ACAD11: variants seen among roughly 807,000 people sequenced by gnomAD.
The protein encoded by ACAD11 is acyl-Coenzyme A dehydrogenase family, member 11.
In ACAD11, 83 loss-of-function variants were observed where a neutral mutation model predicts 102.2. The ratio of observed to expected loss-of-function variants is 0.81; its 90% CI spans 0.68 to 0.97. The LOEUF (loss-of-function observed/expected upper bound fraction) is 0.97. Ranked by LOEUF, ACAD11 falls within the 50% of genes least tolerant of loss-of-function variation. The pLI is 0.00. For synonymous variants in ACAD11, 324 were observed against 319.8 expected, an observed-to-expected ratio of 1.01 and a Z score of -0.14; for missense variants, 901 against 951.7, an observed-to-expected ratio of 0.95 and a Z score of 0.70.
intron 13 of ACAD11, among the ~76,000 whole-genome samples, chr3:132,583,293 C>A (rs372724340): frequency 6.6e-6 from 1 of 152,072 alleles, no homozygotes; most frequent in East Asian, 1.9e-4. Flanking sequence ...GTGTATGCGT[C>A]GAGGAATTTA....
intron 17 of ACAD11, among the ~76,000 whole-genome samples, chr3:132,573,677 A>G (rs1337590812): frequency 6.6e-6 from 1 of 152,206 alleles, no homozygotes; most frequent in African/African-American, 2.4e-5. Flanking sequence ...AACTTCATGA[A>G]CAGACTTAGA....
chr3:132,560,665 C>T (rs1295463887), intron 18 of ACAD11, among the ~76,000 whole-genome samples: 2 of 152,078 alleles, frequency 1.3e-5, no homozygotes, highest in Non-Finnish European at 2.9e-5. Flanking sequence ...CCTCCACTTC[C>T]CAAGTAGCTT....
At chr3:132,618,563 TATC>T (rs1237839475) in intron 11 of ACAD11, 68 bp downstream of exon 11, 7 of 1,310,566 alleles carry the variant, frequency 5.3e-6, no homozygotes, top group Admixed American at 6.0e-5. Context: ...AACACATTCT[TATC>T]ATATATAGAA....
intron 9 of ACAD11, among the ~76,000 whole-genome samples, chr3:132,625,346 C>T (rs944104597): frequency 2.0e-5 from 3 of 152,074 alleles, no homozygotes; most frequent in African/African-American, 7.2e-5. Context: ...CAAGCTTATA[C>T]CAATTTATTC....
At chr3:132,600,469 C>G (rs757673404) in intron 13 of ACAD11, 36 of 1,613,386 alleles carry the variant, frequency 2.2e-5, no homozygotes, top group Admixed American at 3.3e-5. Flanking sequence ...CTTATGACTA[C>G]AGTCAATATG....
At chr3:132,632,146 C>T (rs1255449989) in intron 5 of ACAD11, among the ~76,000 whole-genome samples, 9 of 150,936 alleles carry the variant, frequency 6.0e-5, no homozygotes, top group Admixed American at 2.6e-4. Context: ...TGCAGTGGCG[C>T]GATCTCTGCT....
rs1036603522 is a variant in ACAD11 at position 132,581,710 on chromosome 3, T to A, written c.1622-2152A>T. 2.0e-5 allele frequency among the ~76,000 whole-genome samples: 3 copies of A among 152,018 alleles called. No individual in the cohort carries two copies. In the East Asian group the frequency reaches 5.8e-4, roughly 29 times the overall value. On this transcript the variant is annotated intron_variant, in intron 13 of 19. Transcript: ENST00000264990. ...GGTCCAAATATAAAATAATGTGACATGAATTTAATATATAGTATATGAGAA... is the reference window on the plus strand; with the variant it reads ...GGTCCAAATATAAAATAATGTGACAAGAATTTAATATATAGTATATGAGAA...
At chr3:132,618,458 C>A (rs1026308535) in intron 11 of ACAD11, 176 bp downstream of exon 11, 10 of 604,776 alleles carry the variant, frequency 1.7e-5, no homozygotes, top group African/African-American at 1.2e-4. Context: ...AAAGAATAGT[C>A]CAATGAAAAT....
intron 1 of ACAD11, among the ~76,000 whole-genome samples, chr3:132,653,274 T>C (rs948164770): frequency 3.3e-5 from 5 of 152,210 alleles, no homozygotes; most frequent in Admixed American, 6.5e-5. Context: ...ATCTTCATTC[T>C]CAGCTAATTA....
chr3:132,572,341 G>A (rs1937404934), intron 17 of ACAD11, among the ~76,000 whole-genome samples: 1 of 151,898 alleles, frequency 6.6e-6, no homozygotes, highest in Non-Finnish European at 1.5e-5. Flanking sequence ...AACCAGGGAG[G>A]TAAAAAATCT....
At chr3:132,633,960 G>GA (rs1175100292) in intron 5 of ACAD11, among the ~76,000 whole-genome samples, 4 of 114,640 alleles carry the variant, frequency 3.5e-5, no homozygotes, top group African/African-American at 1.2e-4. Flanking sequence ...AACCCTAGAA[G>GA]AAAACCTAGG....
intron 6 of ACAD11, 111 bp downstream of exon 6, chr3:132,631,230 T>C (rs953403989): frequency 3.6e-6 from 2 of 551,220 alleles, no homozygotes; most frequent in Admixed American, 4.4e-5. Context: ...AATAGAAATG[T>C]TTAAGAAACA....
intron 11 of ACAD11, among the ~76,000 whole-genome samples, chr3:132,613,995 GT>G (rs1939288245): frequency 6.6e-6 from 1 of 152,148 alleles, no homozygotes; most frequent in Admixed American, 6.5e-5. Context: ...CAAAATCAAT[GT>G]GCAAAAATCA....
chr3:132,633,163 T>G (rs931796391), intron 5 of ACAD11, among the ~76,000 whole-genome samples: 2 of 152,194 alleles, frequency 1.3e-5, no homozygotes, highest in Non-Finnish European at 1.5e-5. Context: ...GTTTTCAAAG[T>G]GAATGCTTCC....
At chr3:132,572,271 C>T (rs1326682823) in intron 17 of ACAD11, among the ~76,000 whole-genome samples, 1 of 151,814 alleles carries the variant, frequency 6.6e-6, no homozygotes, top group Admixed American at 6.6e-5. Context: ...AGAGCCAAAT[C>T]GGGAATGCAA....
chr3:132,579,411 T>C, intron 14 of ACAD11, 81 bp downstream of exon 14: 9 of 1,142,072 alleles, frequency 7.9e-6, no homozygotes, highest in Non-Finnish European at 1.2e-5. Flanking sequence ...GTCCAAACAG[T>C]GAATTTTAAG....
intron 11 of ACAD11, among the ~76,000 whole-genome samples, chr3:132,607,095 C>A (rs565210304): frequency 1.3e-5 from 2 of 152,094 alleles, no homozygotes; most frequent in African/African-American, 4.8e-5. Context: ...AGAAAGGACA[C>A]CTACACAAAA....
At chr3:132,571,335 CT>C (rs1347086654) in intron 17 of ACAD11, among the ~76,000 whole-genome samples, 2 of 141,982 alleles carry the variant, frequency 1.4e-5, no homozygotes, top group Non-Finnish European at 3.0e-5. Context: ...CTTTGGCCTA[CT>C]TTTTAACGGT....
chr3:132,593,131 T>C (rs1212882540), intron 13 of ACAD11, among the ~76,000 whole-genome samples: 1 of 151,880 alleles, frequency 6.6e-6, no homozygotes, highest in Non-Finnish European at 1.5e-5. Context: ...TTAAAAATGA[T>C]AAATGAAATC....
Sources: allele counts gnomAD v4.1 joint callset (sites outside exome capture counted in the v4.1 genomes callset), GRCh38; gene constraint gnomAD v4.1.1; transcripts MANE v1.5; gene names NCBI Gene and HGNC (gene_info 2026-07-23, HGNC 2026-07-21).